Variants in MIPOL1 observed in about 807,000 individuals in gnomAD.
MIPOL1 encodes the protein mirror-image polydactyly gene 1 protein.
In MIPOL1, 57 loss-of-function variants were observed where a neutral mutation model predicts 60.9. The observed-to-expected ratio is 0.94, with a 90% CI of 0.76 to 1.17. The LOEUF (loss-of-function observed/expected upper bound fraction) is 1.17, where lower values mean the gene tolerates loss of function less well. Ranked by LOEUF, MIPOL1 falls within the 50% of genes most tolerant of loss-of-function variation. MIPOL1 has a pLI of 0.00. For synonymous variants in MIPOL1, 179 were observed against 168.8 expected (o/e 1.06, Z -0.47); for missense variants, 551 against 511.6 (o/e 1.08, Z -0.74).
At chr14:37,383,346 A>C (rs1365071504) in intron 10 of MIPOL1, among the ~76,000 whole-genome samples, 1 of 151,806 alleles carries the variant, frequency 6.6e-6, no homozygotes, top group East Asian at 1.9e-4. Flanking sequence ...TTGTATCAGC[A>C]TTTTTGTCCT....
chr14:37,267,913 T>C (rs1003296298), intron 4 of MIPOL1, among the ~76,000 whole-genome samples: 1 of 152,068 alleles, frequency 6.6e-6, no homozygotes, highest in African/African-American at 2.4e-5. Context: ...CCTTGTTCTC[T>C]ACCATTTGCA....
At chr14:37,390,602 T>C (rs2153519552) in intron 10 of MIPOL1, among the ~76,000 whole-genome samples, 1 of 152,128 alleles carries the variant, frequency 6.6e-6, no homozygotes, top group East Asian at 1.9e-4. Flanking sequence ...AAAATTGTAA[T>C]CTCTATAAAA....
intron 9 of MIPOL1, among the ~76,000 whole-genome samples, chr14:37,367,080 G>A (rs1364615878): frequency 6.6e-6 from 1 of 151,968 alleles, no homozygotes; most frequent in Non-Finnish European, 1.5e-5. Flanking sequence ...GTGATTAAAG[G>A]ATAGTATCTT....
intron 7 of MIPOL1, among the ~76,000 whole-genome samples, chr14:37,287,967 G>A (rs1022695532): frequency 1.3e-5 from 2 of 152,012 alleles, no homozygotes; most frequent in African/African-American, 4.8e-5. Context: ...ACAAGATCAT[G>A]TGACTCTCAG....
At chr14:37,514,350 A>G (rs1192061446) in intron 12 of MIPOL1, among the ~76,000 whole-genome samples, 5 of 152,164 alleles carry the variant, frequency 3.3e-5, no homozygotes, top group Non-Finnish European at 7.4e-5. Context: ...AGTGATTTGA[A>G]TTCCCTAGGA....
chr14:37,551,906 A>ATAT (rs1267435724), downstream of MIPOL1: 2 of 148,324 alleles, frequency 1.3e-5, no homozygotes, highest in African/African-American at 5.0e-5. Flanking sequence ...AATAATAATA[A>ATAT]TAATAATAAT....
intron 9 of MIPOL1, among the ~76,000 whole-genome samples, chr14:37,353,165 ATG>A (rs2091533596): frequency 6.8e-6 from 1 of 146,060 alleles, no homozygotes; most frequent in Non-Finnish European, 1.5e-5. Flanking sequence ...TGAGATAATC[ATG>A]TGGTTTTTGT....
chr14:37,230,427 G>C, intron 1 of MIPOL1, among the ~76,000 whole-genome samples: 1 of 152,306 alleles, frequency 6.6e-6, no homozygotes, highest in Non-Finnish European at 1.5e-5. Context: ...GAGTTTTACA[G>C]TGATGCTTGC....
intron 9 of MIPOL1, among the ~76,000 whole-genome samples, chr14:37,348,221 A>G (rs2091084271): frequency 6.6e-6 from 1 of 152,224 alleles, no homozygotes; most frequent in Non-Finnish European, 1.5e-5. Context: ...ACAGCTGCAT[A>G]CATGTTGCTG....
At chr14:37,433,218 G>A (rs1307977406) in intron 11 of MIPOL1, among the ~76,000 whole-genome samples, 1 of 151,896 alleles carries the variant, frequency 6.6e-6, no homozygotes, top group Non-Finnish European at 1.5e-5. Context: ...ATGCCACCAT[G>A]CCTAATTTTT....
intron 9 of MIPOL1, among the ~76,000 whole-genome samples, chr14:37,315,374 C>T (rs1270665283): frequency 6.6e-6 from 1 of 152,088 alleles, no homozygotes; most frequent in Non-Finnish European, 1.5e-5. Context: ...AGGCAGCAGA[C>T]AAGTCTGTAT....
chr14:37,324,105 A>T (rs1323667849), intron 9 of MIPOL1, among the ~76,000 whole-genome samples: 1 of 151,996 alleles, frequency 6.6e-6, no homozygotes, highest in Admixed American at 6.6e-5. Flanking sequence ...GGATTATAAG[A>T]TAGGGATGTA....
chr14:37,539,860 T>G (rs1375979764), intron 12 of MIPOL1, among the ~76,000 whole-genome samples: 3 of 152,200 alleles, frequency 2.0e-5, no homozygotes, highest in Non-Finnish European at 2.9e-5. Flanking sequence ...AATCTCATAT[T>G]GAATTGTAGT....
chr14:37,219,809 T>A (rs947489459), intron 1 of MIPOL1: 4 of 151,438 alleles, frequency 2.6e-5, no homozygotes, highest in Admixed American at 6.6e-5. Context: ...CACCAGTTTT[T>A]ACCTCAGGTA....
intron 10 of MIPOL1, chr14:37,401,110 T>C (rs188213821): frequency 6.6e-6 from 1 of 152,080 alleles, no homozygotes; most frequent in East Asian, 1.9e-4. Flanking sequence ...AAAATATAAA[T>C]AATGATTTGG....
At chr14:37,513,969 A>G (rs1004552948) in intron 12 of MIPOL1, among the ~76,000 whole-genome samples, 1 of 152,176 alleles carries the variant, frequency 6.6e-6, no homozygotes, top group Non-Finnish European at 1.5e-5. Context: ...TATTAATGCC[A>G]GTACTACAGT....
At chr14:37,426,572 T>TATATATAC in intron 11 of MIPOL1, among the ~76,000 whole-genome samples, 1 of 73,836 alleles carries the variant, frequency 1.4e-5, no homozygotes, top group East Asian at 3.5e-4. Context: ...AAAATATACA[T>TATATATAC]ATATATATAT....
chr14:37,500,231 A>G (rs770818104), intron 12 of MIPOL1, 93 bp downstream of exon 12: 1 of 867,446 alleles, frequency 1.2e-6, no homozygotes, highest in Non-Finnish European at 1.8e-6. Context: ...GTTATTGATC[A>G]TGTTAATAGT....
chr14:37,367,629 C>G (rs566403381), intron 9 of MIPOL1, among the ~76,000 whole-genome samples: 16 of 152,152 alleles, frequency 1.1e-4, no homozygotes, highest in South Asian at 2.1e-4. Flanking sequence ...ATTCCCAAAA[C>G]AAGCCCAACT....
Sources: gnomAD v4.1 joint callset for allele counts (sites outside exome capture counted in the v4.1 genomes callset) on GRCh38, gnomAD v4.1.1 for gene constraint, MANE v1.5 for transcripts, NCBI Gene and HGNC (gene_info 2026-07-23, HGNC 2026-07-21) for gene names.